DDC: variants seen among roughly 807,000 people sequenced by gnomAD.
The protein encoded by DDC is aromatic-L-amino-acid decarboxylase.
DDC carries 43 observed loss-of-function variants against 60.0 expected under a neutral mutation model. That is an observed-to-expected ratio of 0.72 (90% CI 0.56 to 0.92). DDC has a LOEUF of 0.92. Among genes scored for constraint, DDC ranks in the 40% least tolerant of loss-of-function variants. The pLI is 0.00. For missense variants in DDC, 573 were observed against 620.2 expected (o/e 0.92, Z 0.81); for synonymous variants, 232 against 234.6 (o/e 0.99, Z 0.10).
intron 11 of DDC, among the ~76,000 whole-genome samples, chr7:50,474,984 TC>T (rs1425335801): frequency 6.6e-6 from 1 of 152,228 alleles, no homozygotes; most frequent in Non-Finnish European, 1.5e-5. Context: ...CAAGGGACTT[TC>T]CCAGGGAAGT....
chr7:50,543,428 C>A, intron 2 of DDC: 1 of 282,852 alleles, frequency 3.5e-6, no homozygotes. Context: ...CCACACTGCC[C>A]ACTCTCAAAT....
intron 3 of DDC, among the ~76,000 whole-genome samples, chr7:50,539,413 C>T (rs562471095): frequency 6.6e-6 from 1 of 152,262 alleles, no homozygotes; most frequent in East Asian, 1.9e-4. Flanking sequence ...TAGGGTGGGA[C>T]TGGTGGTTTG....
Position 50,528,420 on chromosome 7 carries a change from G to C in DDC, c.571-140C>G, listed in dbSNP as rs559475212. ...ACAGGAGGCAGAACTGCTCCTGACT[G>C]CTCCCTCTCCCCTGCACCTTCATGA... On this transcript the variant is annotated intron_variant, in intron 5 of 14. Transcript: ENST00000444124. 71 of 969,284 alleles carry C rather than the reference G, an allele frequency of 7.3e-5. No homozygotes were observed. In the East Asian group the frequency reaches 1.6e-3, roughly 22 times the overall value. 60.0% of individuals were successfully genotyped at this position (969,284 alleles called of 1,614,324 possible). A position where few individuals can be genotyped will look rare whatever the true frequency, so the allele number is the denominator to read the frequency against.
chr7:50,465,029 AT>A (rs1233206547), intron 13 of DDC, among the ~76,000 whole-genome samples: 4 of 152,238 alleles, frequency 2.6e-5, no homozygotes, highest in African/African-American at 9.6e-5. Context: ...GACTTCCTTC[AT>A]GAGAGGACTC....
At chr7:50,545,138 T>C (rs1335920554) in intron 1 of DDC, among the ~76,000 whole-genome samples, 2 of 152,216 alleles carry the variant, frequency 1.3e-5, no homozygotes, top group East Asian at 3.8e-4. Context: ...AGGACATGTT[T>C]ACATTATGAG....
At chr7:50,472,738 C>T (rs2042561192) in intron 11 of DDC, among the ~76,000 whole-genome samples, 1 of 152,178 alleles carries the variant, frequency 6.6e-6, no homozygotes, top group Non-Finnish European at 1.5e-5. Flanking sequence ...AGCTCTCTTG[C>T]CATACCTCGC....
chr7:50,515,521 C>A (rs1230797649), intron 6 of DDC, among the ~76,000 whole-genome samples: 2 of 151,994 alleles, frequency 1.3e-5, no homozygotes, highest in Non-Finnish European at 2.9e-5. Flanking sequence ...AAACAAAAAA[C>A]AAACAAACAA....
intron 1 of DDC, among the ~76,000 whole-genome samples, chr7:50,553,742 C>T (rs946553447): frequency 5.9e-5 from 9 of 152,022 alleles, no homozygotes; most frequent in African/African-American, 2.2e-4. Context: ...GCCTTGGCCT[C>T]CCAAAGTGCT....
At chr7:50,556,992 C>T (rs1263062978) in intron 1 of DDC, among the ~76,000 whole-genome samples, 1 of 152,154 alleles carries the variant, frequency 6.6e-6, no homozygotes, top group Non-Finnish European at 1.5e-5. Context: ...TAAAATGGGG[C>T]CGCAAGCTCA....
At chr7:50,492,817 A>G (rs1374424590) in intron 9 of DDC, 12 of 1,501,578 alleles carry the variant, frequency 8.0e-6, no homozygotes, top group African/African-American at 1.4e-5. Context: ...GCGCCGGGGA[A>G]GAGTTGTCCG....
At chr7:50,549,067 T>C (rs1174205579) in intron 1 of DDC, among the ~76,000 whole-genome samples, 1 of 152,228 alleles carries the variant, frequency 6.6e-6, no homozygotes, top group African/African-American at 2.4e-5. Context: ...TGAAGACTAT[T>C]GTTGAGAGAG....
At position 50,508,346 on chromosome 7, in the gene DDC, AG is replaced by A. The variant is rs796698064; in HGVS notation, c.715-4288del. 1.1e-4 allele frequency among the ~76,000 whole-genome samples: 16 copies of A among 152,276 alleles called. No homozygotes were observed. In the South Asian group the frequency reaches 3.3e-3, roughly 32 times the overall value. ...TAATCACATTTGTGCAGGGGGAAGG[AG>A]GGGTAGGGGACAGTTCAGGCCTCCA... On this transcript the variant is annotated intron_variant, in intron 6 of 14. Coordinates refer to ENST00000444124, the MANE Select transcript of DDC (RefSeq NM_001082971.2).
At chr7:50,499,001 A>C (rs929869528) in intron 8 of DDC, 147 bp downstream of exon 8, 134 of 704,080 alleles carry the variant, frequency 1.9e-4, no homozygotes, top group South Asian at 1.9e-3. Flanking sequence ...CTCAGCCCCT[A>C]TTCTGAGGAA....
intron 4 of DDC, among the ~76,000 whole-genome samples, chr7:50,530,500 T>C (rs941279304): frequency 6.6e-6 from 1 of 152,188 alleles, no homozygotes; most frequent in South Asian, 2.1e-4. Flanking sequence ...GGCAAACTAA[T>C]GGATTCAGGG....
intron 4 of DDC, among the ~76,000 whole-genome samples, chr7:50,531,195 C>A (rs2044194767): frequency 6.6e-6 from 1 of 152,130 alleles, no homozygotes; most frequent in Admixed American, 6.5e-5. Context: ...AGGGGAGAAA[C>A]CAATTTTGGC....
At chr7:50,547,102 C>A (rs781534347) in intron 1 of DDC, among the ~76,000 whole-genome samples, 2 of 152,160 alleles carry the variant, frequency 1.3e-5, no homozygotes, top group Non-Finnish European at 2.9e-5. Context: ...TAATATGACT[C>A]AAATTTTTAA....
chr7:50,477,058 C>T (rs1187298940), intron 10 of DDC, among the ~76,000 whole-genome samples: 3 of 152,102 alleles, frequency 2.0e-5, no homozygotes, highest in African/African-American at 7.2e-5. Flanking sequence ...GAGAATGAAA[C>T]TCTTGGTGGG....
At chr7:50,489,937 T>C (rs2042964742) in intron 9 of DDC, among the ~76,000 whole-genome samples, 1 of 152,226 alleles carries the variant, frequency 6.6e-6, no homozygotes, top group South Asian at 2.1e-4. Context: ...TTTATAAAAT[T>C]TGAGAGAGAT....
At chr7:50,527,001 A>G (rs2044054364) in intron 6 of DDC, among the ~76,000 whole-genome samples, 1 of 124,138 alleles carries the variant, frequency 8.1e-6, no homozygotes, top group Non-Finnish European at 2.0e-5. Context: ...AAATAGACAT[A>G]TCTACACTCA....
Sources: gnomAD v4.1 joint callset for allele counts (sites outside exome capture counted in the v4.1 genomes callset) on GRCh38, gnomAD v4.1.1 for gene constraint, MANE v1.5 for transcripts, NCBI Gene and HGNC (gene_info 2026-07-23, HGNC 2026-07-21) for gene names.